IMMP2L: variants seen among roughly 807,000 people sequenced by gnomAD.
IMMP2L encodes the protein inner mitochondrial membrane peptidase subunit 2.
In IMMP2L, 18 loss-of-function variants were observed where a neutral mutation model predicts 19.3. The observed-to-expected ratio is 0.93, with a 90% confidence interval of 0.64 to 1.38. The LOEUF (loss-of-function observed/expected upper bound fraction) is 1.38. Among genes scored for constraint, IMMP2L ranks in the 40% most tolerant of loss-of-function variants. The pLI, the probability that IMMP2L is intolerant of heterozygous loss-of-function variation, is 0.00. For synonymous variants in IMMP2L, 76 were observed against 73.0 expected (o/e 1.04, Z -0.21); for missense variants, 233 against 218.2 (o/e 1.07, Z -0.43).
At chr7:111,234,861 C>A (rs1325214861) in intron 3 of IMMP2L, among the ~76,000 whole-genome samples, 1 of 152,056 alleles carries the variant, frequency 6.6e-6, no homozygotes, top group African/African-American at 2.4e-5. Flanking sequence ...CCTCTCCCAG[C>A]CTTTGCACTA....
chr7:110,888,229 C>T (rs985960495), intron 4 of IMMP2L, among the ~76,000 whole-genome samples: 29 of 152,250 alleles, frequency 1.9e-4, no homozygotes, highest in African/African-American at 7.0e-4. Flanking sequence ...CCATCATATA[C>T]TCTGTAATAT....
intron 3 of IMMP2L, among the ~76,000 whole-genome samples, chr7:111,207,522 G>A (rs537972365): frequency 6.3e-5 from 8 of 126,606 alleles, no homozygotes; most frequent in Admixed American, 3.2e-4. Flanking sequence ...TTTCTTTTTC[G>A]TTTTATTTTT....
chr7:110,950,066 A>G (rs1817638758), intron 4 of IMMP2L, among the ~76,000 whole-genome samples: 1 of 152,168 alleles, frequency 6.6e-6, no homozygotes, highest in Non-Finnish European at 1.5e-5. Flanking sequence ...CTATTTCACT[A>G]CGTTTCTTTC....
At chr7:111,049,120 T>C (rs2129572492) in intron 3 of IMMP2L, among the ~76,000 whole-genome samples, 1 of 16,384 alleles carries the variant, frequency 6.1e-5, no homozygotes, top group South Asian at 5.9e-3. Context: ...TGATACTTCT[T>C]TTTTTTTTTT....
intron 2 of IMMP2L, among the ~76,000 whole-genome samples, chr7:111,503,126 T>C (rs1461713860): frequency 1.3e-5 from 2 of 151,870 alleles, no homozygotes; most frequent in East Asian, 3.9e-4. Context: ...CAATAAAAAA[T>C]GATAAAGGGG....
chr7:111,162,151 T>C (rs934623286), intron 3 of IMMP2L, among the ~76,000 whole-genome samples: 1 of 152,162 alleles, frequency 6.6e-6, no homozygotes, highest in Admixed American at 6.6e-5. Context: ...AGTTTTTATA[T>C]TTATTGATAA....
chr7:110,982,787 G>T (rs796236980), intron 3 of IMMP2L, among the ~76,000 whole-genome samples: 1 of 152,136 alleles, frequency 6.6e-6, no homozygotes, highest in African/African-American at 2.4e-5. Flanking sequence ...ATGGATAAAG[G>T]TATTTTTTGT....
At chr7:111,526,321 T>C (rs907187023) in intron 1 of IMMP2L, among the ~76,000 whole-genome samples, 1 of 152,154 alleles carries the variant, frequency 6.6e-6, no homozygotes, top group African/African-American at 2.4e-5. Flanking sequence ...TTATATTGTT[T>C]TAATTGTTTA....
chr7:110,686,517 TACAA>T (rs1441860756), intron 5 of IMMP2L, among the ~76,000 whole-genome samples: 2 of 152,010 alleles, frequency 1.3e-5, no homozygotes, highest in African/African-American at 2.4e-5. Flanking sequence ...CCCCTCAGTA[TACAA>T]ACAAAATGCA....
At chr7:110,769,097 G>T (rs1798866056) in intron 5 of IMMP2L, among the ~76,000 whole-genome samples, 1 of 152,106 alleles carries the variant, frequency 6.6e-6, no homozygotes, top group African/African-American at 2.4e-5. Context: ...TATTCCTCTG[G>T]TCCAGTCTTT....
At chr7:111,335,580 G>A (rs12536395) in intron 3 of IMMP2L, among the ~76,000 whole-genome samples, 48,930 of 151,958 alleles carry the variant, frequency 0.32, 8,777 homozygotes, top group South Asian at 0.6. Flanking sequence ...AAAGTTTATT[G>A]AAATGCTGTT....
chr7:111,313,060 A>T (rs1405418444), intron 3 of IMMP2L, among the ~76,000 whole-genome samples: 3 of 152,146 alleles, frequency 2.0e-5, no homozygotes, highest in Non-Finnish European at 4.4e-5. Flanking sequence ...AGCTCCTGGA[A>T]AAACTTCTAC....
chr7:110,967,240 T>C lies in IMMP2L; in HGVS notation c.240-3675A>G, dbSNP rs561361796. On this transcript the variant is annotated intron_variant, in intron 3 of 5. Transcript: ENST00000405709. The stretch of plus-strand genomic sequence containing the variant: ...AATGTAGACATAATAGAATTTCCAG[T>C]CTCTGTCACTAATTTCATGTTTTTT... Among the ~76,000 whole-genome samples the C allele has an allele frequency of 3.3e-5, 5 of 152,034 alleles. No homozygotes were observed. In the South Asian group the frequency reaches 1.0e-3, roughly 32 times the overall value.
chr7:110,855,550 C>G (rs1471924458), intron 5 of IMMP2L, among the ~76,000 whole-genome samples: 1 of 151,970 alleles, frequency 6.6e-6, no homozygotes, highest in Non-Finnish European at 1.5e-5. Flanking sequence ...ATGCTAGAAA[C>G]CATTCTGGGC....
intron 3 of IMMP2L, among the ~76,000 whole-genome samples, chr7:111,229,611 G>C (rs1351914464): frequency 6.6e-6 from 1 of 152,012 alleles, no homozygotes; most frequent in East Asian, 1.9e-4. Context: ...TGTGGTTTAA[G>C]TGCTTAACTT....
chr7:110,827,285 A>AGGCATTC (rs1803585642), intron 5 of IMMP2L, among the ~76,000 whole-genome samples: 1 of 152,132 alleles, frequency 6.6e-6, no homozygotes, highest in African/African-American at 2.4e-5. Context: ...ATGCAAACCT[A>AGGCATTC]GGCATTCTAA....
At chr7:110,733,658 G>T (rs1796424893) in intron 5 of IMMP2L, among the ~76,000 whole-genome samples, 1 of 152,092 alleles carries the variant, frequency 6.6e-6, no homozygotes, top group Non-Finnish European at 1.5e-5. Flanking sequence ...ATTTCATGTT[G>T]AAACTTAATC....
At chr7:110,817,839 C>T (rs1244148279) in intron 5 of IMMP2L, among the ~76,000 whole-genome samples, 1 of 152,080 alleles carries the variant, frequency 6.6e-6, no homozygotes, top group African/African-American at 2.4e-5. Context: ...CTTTGACAAA[C>T]CTGACAAAAA....
At chr7:111,036,284 T>C (rs1447520525) in intron 3 of IMMP2L, among the ~76,000 whole-genome samples, 1 of 152,136 alleles carries the variant, frequency 6.6e-6, no homozygotes, top group Non-Finnish European at 1.5e-5. Flanking sequence ...AGAGACGCAC[T>C]GTGAATAAAA....
Sources: allele counts gnomAD v4.1 joint callset (sites outside exome capture counted in the v4.1 genomes callset), GRCh38; gene constraint gnomAD v4.1.1; transcripts MANE v1.5; gene names NCBI Gene and HGNC (gene_info 2026-07-23, HGNC 2026-07-21).